The following MAST4 variants were observed in gnomAD, a reference collection of about 807,000 sequenced individuals.
MAST4 encodes microtubule associated serine/threonine kinase family member 4.
MAST4 carries 89 observed loss-of-function variants against 162.7 expected under a neutral mutation model. The observed-to-expected ratio is 0.55, with a 90% confidence interval of 0.46 to 0.65. The LOEUF is 0.65. Ranked by LOEUF, MAST4 falls within the 30% of genes least tolerant of loss-of-function variation. The pLI is 0.00. For synonymous variants in MAST4, 1,479 were observed against 1,361.1 expected (o/e 1.09, Z -1.91); for missense variants, 3,153 against 3,374.0 (o/e 0.93, Z 1.62).
chr5:66,863,923 T>C (rs1760296963), intron 3 of MAST4, among the ~76,000 whole-genome samples: 3 of 152,188 alleles, frequency 2.0e-5, no homozygotes, highest in Admixed American at 6.5e-5. Context: ...AGTAATCCCT[T>C]AATCAAATTC....
At chr5:66,863,094 T>C (rs1027931117) in intron 3 of MAST4, among the ~76,000 whole-genome samples, 2 of 152,244 alleles carry the variant, frequency 1.3e-5, no homozygotes, top group African/African-American at 4.8e-5. Context: ...CAGGTTTTTC[T>C]TTTGAGTTGA....
chr5:67,151,767 C>CTTTTTTTTTTTTTTTTTTTTTTTTT (rs1163541260), intron 24 of MAST4, among the ~76,000 whole-genome samples: 14 of 115,644 alleles, frequency 1.2e-4, no homozygotes, highest in African/African-American at 1.6e-4. Flanking sequence ...TTCTTTTTTT[C>CTTTTTTTTTTTTTTTTTTTTTTTTT]TTTTTTTTTT....
At chr5:67,148,869 C>T (rs931801193) in intron 23 of MAST4, among the ~76,000 whole-genome samples, 1 of 152,178 alleles carries the variant, frequency 6.6e-6, no homozygotes, top group Non-Finnish European at 1.5e-5. Flanking sequence ...TGTGTTCTAA[C>T]AGCACAGACG....
At chr5:66,979,352 T>C (rs1046604318) in intron 4 of MAST4, among the ~76,000 whole-genome samples, 6 of 152,100 alleles carry the variant, frequency 3.9e-5, no homozygotes, top group Admixed American at 3.3e-4. Context: ...CCTTGCTCCT[T>C]GTTCCTGTGG....
At chr5:67,016,274 C>A (rs925040189) in intron 4 of MAST4, among the ~76,000 whole-genome samples, 15 of 152,252 alleles carry the variant, frequency 9.9e-5, no homozygotes, top group Non-Finnish European at 1.5e-4. Flanking sequence ...AGAGAAATTA[C>A]TTAACTGTCC....
chr5:67,144,710 A>G lies in MAST4; in HGVS notation c.2772A>G (p.Glu924=). 3 of 1,613,982 alleles carry G rather than the reference A, an allele frequency of 1.9e-6. No homozygotes were observed. The highest frequency in any genetic ancestry group is 2.5e-6 in the Non-Finnish European group (3 of 1,179,848). ...SIDRITQNSA[E]EKEDSVDKTK... Reference sequence around the variant, plus strand: ...ATCGAATCACTCAGAATTCAGCAGAAGAGAAGGAAGACTCTGTGGACAAAA... The same window carrying G: ...ATCGAATCACTCAGAATTCAGCAGAGGAGAAGGAAGACTCTGTGGACAAAA... Residue 924 remains glutamate (E), a synonymous_variant, in exon 22 of 29, where the codon GAA becomes GAG. Transcript: ENST00000403625.
intron 1 of MAST4, among the ~76,000 whole-genome samples, chr5:66,658,258 T>C (rs1028988800): frequency 9.2e-5 from 14 of 152,260 alleles, no homozygotes; most frequent in South Asian, 6.2e-4. Flanking sequence ...GGCATAATTA[T>C]GGACATACCT....
intron 1 of MAST4, among the ~76,000 whole-genome samples, chr5:66,649,626 TGGTCCCATGAACTG>T (rs1746085358): frequency 1.3e-5 from 2 of 152,220 alleles, no homozygotes; most frequent in South Asian, 4.1e-4. Context: ...AGGACTTCCC[TGGTCCCATGAACTG>T]GGTCACATCC....
intron 3 of MAST4, among the ~76,000 whole-genome samples, chr5:66,876,338 A>G (rs1177851274): frequency 6.6e-6 from 1 of 152,048 alleles, no homozygotes; most frequent in Non-Finnish European, 1.5e-5. Context: ...GTGAGGTGGG[A>G]CTTTTTAAAC....
intron 1 of MAST4, among the ~76,000 whole-genome samples, chr5:66,752,428 C>T (rs1443016895): frequency 1.6e-4 from 23 of 146,190 alleles, no homozygotes; most frequent in Admixed American, 1.6e-3. Flanking sequence ...CACATAGGCT[C>T]AAAATAAAAG....
At chr5:66,766,172 G>A (rs1288387111) in intron 2 of MAST4, among the ~76,000 whole-genome samples, 1 of 152,158 alleles carries the variant, frequency 6.6e-6, no homozygotes, top group East Asian at 1.9e-4. Context: ...ATATGCAAAT[G>A]CATGCCCCAA....
chr5:67,085,982 G>T (rs1763190749), intron 5 of MAST4, among the ~76,000 whole-genome samples: 1 of 152,094 alleles, frequency 6.6e-6, no homozygotes, highest in South Asian at 2.1e-4. Flanking sequence ...GAGATCCTAG[G>T]TTTGATTCTG....
chr5:66,748,196 C>G (rs1337472674), intron 1 of MAST4, among the ~76,000 whole-genome samples: 1 of 152,042 alleles, frequency 6.6e-6, no homozygotes, highest in Non-Finnish European at 1.5e-5. Context: ...TCCCAGTGGG[C>G]AGGGATTTCT....
In MAST4 at chr5:67,095,271, C is replaced by T. The variant is rs191971958; in HGVS notation, c.834-326C>T. On this transcript the variant is annotated intron_variant, in intron 6 of 28. Coordinates refer to ENST00000403625, the MANE Select transcript of MAST4 (RefSeq NM_001164664.2). ...AGCTTCCAGATGAGAGTGTTTTCCT[C>T]CTGCCTTTCTGTTCTTATTCATTTG... 2.0e-5 allele frequency among the ~76,000 whole-genome samples: 3 copies of T among 152,306 alleles called. No homozygotes were observed. The East Asian group carries it at 5.8e-4, about 29-fold the overall frequency.
chr5:67,040,849 T>G (rs983019458), intron 4 of MAST4, among the ~76,000 whole-genome samples: 40 of 152,242 alleles, frequency 2.6e-4, no homozygotes, highest in African/African-American at 9.6e-4. Context: ...TCTAGCAAGA[T>G]TGTTAAAAAC....
intron 2 of MAST4, among the ~76,000 whole-genome samples, chr5:66,784,944 C>T (rs1466491137): frequency 2.0e-5 from 3 of 152,296 alleles, no homozygotes; most frequent in Admixed American, 6.5e-5. Context: ...TTGAGCATAG[C>T]GGCTCATGCC....
intron 3 of MAST4, among the ~76,000 whole-genome samples, chr5:66,841,076 A>G (rs1039956147): frequency 2.6e-5 from 4 of 152,164 alleles, no homozygotes; most frequent in Admixed American, 6.5e-5. Context: ...TTTGCCATCA[A>G]TAAGATATAT....
chr5:66,934,554 T>C (rs2150082896), intron 4 of MAST4, among the ~76,000 whole-genome samples: 1 of 151,744 alleles, frequency 6.6e-6, no homozygotes, highest in Admixed American at 6.5e-5. Context: ...TTTAAAAATG[T>C]ATTAAGTATT....
rs555538024 is a variant in MAST4 at position 67,092,018 on chromosome 5, G to A, written c.833+1787G>A. Among the ~76,000 whole-genome samples the A allele has an allele frequency of 2.6e-5, 4 of 152,246 alleles. No individual in the cohort carries two copies. In the East Asian group the frequency reaches 5.8e-4, roughly 22 times the overall value. ...CCCTGTGTTATGAAAACTCAAATTG[G>A]TGTATTTTTATGTAACATCTGGGAT... On this transcript the variant is annotated intron_variant, in intron 6 of 28. Transcript: ENST00000403625.
Sources: allele counts gnomAD v4.1 joint callset (sites outside exome capture counted in the v4.1 genomes callset), GRCh38; gene constraint gnomAD v4.1.1; transcripts MANE v1.5; gene names NCBI Gene and HGNC (gene_info 2026-07-23, HGNC 2026-07-21).